The following EXTL3 variants were observed in gnomAD, a reference collection of about 807,000 sequenced individuals.
EXTL3 encodes the protein exostosin-like 3.
Under a neutral mutation model 69.3 loss-of-function variants are expected in EXTL3, and 27 were observed. The ratio of observed to expected loss-of-function variants is 0.39; its 90% CI spans 0.29 to 0.54. The LOEUF is 0.54. Among genes scored for constraint, EXTL3 ranks in the 20% least tolerant of loss-of-function variants. EXTL3 has a pLI of 0.69. For missense variants in EXTL3, 1,003 were observed against 1,231.8 expected (o/e 0.81, Z 2.78); for synonymous variants, 511 against 499.4 (o/e 1.02, Z -0.31).
intron 3 of EXTL3, among the ~76,000 whole-genome samples, chr8:28,720,524 AT>A (rs1471493538): frequency 6.6e-6 from 1 of 152,214 alleles, no homozygotes; most frequent in East Asian, 1.9e-4. Flanking sequence ...CATAGGACTT[AT>A]ATGTTAAAAT....
chr8:28,701,747 C>T (rs1800802539), intron 1 of EXTL3, 88 bp downstream of exon 1: 3 of 153,206 alleles, frequency 2.0e-5, no homozygotes, highest in Non-Finnish European at 2.9e-5. Context: ...GCCCCGAGCG[C>T]TGGGGACGCG....
At chr8:28,680,075 C>A (rs183154719) in intron 1 of EXTL3, among the ~76,000 whole-genome samples, 2 of 149,548 alleles carry the variant, frequency 1.3e-5, no homozygotes. Context: ...CGGTGTAAGA[C>A]AAATACTATT....
chr8:28,669,981 G>C (rs1267912450), intron 1 of EXTL3, among the ~76,000 whole-genome samples: 1 of 152,104 alleles, frequency 6.6e-6, no homozygotes, highest in African/African-American at 2.4e-5. Context: ...GGCTGATACA[G>C]GTGGATCACC....
exon 1 of EXTL3, chr8:28,622,780 T>A (rs1281766833): frequency 6.6e-6 from 1 of 152,538 alleles, no homozygotes; most frequent in African/African-American, 2.4e-5. Context: ...TGGCCGCCGC[T>A]GGAGACCGCG....
chr8:28,657,285 A>C (rs1563438021), intron 1 of EXTL3, among the ~76,000 whole-genome samples: 1 of 152,164 alleles, frequency 6.6e-6, no homozygotes, highest in Non-Finnish European at 1.5e-5. Context: ...AGTGGTTTGA[A>C]TTGCTGGATA....
chr8:28,663,281 T>C (rs556224380), intron 1 of EXTL3, among the ~76,000 whole-genome samples: 1 of 152,268 alleles, frequency 6.6e-6, no homozygotes, highest in South Asian at 2.1e-4. Flanking sequence ...CCTCTTCTTT[T>C]TATAAAGTAG....
chr8:28,745,370 C>G (rs1353323135), intron 6 of EXTL3, among the ~76,000 whole-genome samples: 2 of 152,188 alleles, frequency 1.3e-5, no homozygotes, highest in East Asian at 3.8e-4. Context: ...TAAAGCCTCA[C>G]AAGAGAAGAA....
intron 6 of EXTL3, among the ~76,000 whole-genome samples, chr8:28,749,886 G>A (rs953567366): frequency 9.9e-5 from 15 of 152,124 alleles, no homozygotes; most frequent in African/African-American, 3.6e-4. Context: ...TGGAGATGAG[G>A]TTTTGCTTTG....
chr8:28,627,012 C>T (rs1351143544), intron 1 of EXTL3, among the ~76,000 whole-genome samples: 3 of 151,570 alleles, frequency 2.0e-5, no homozygotes, highest in South Asian at 2.1e-4. Context: ...GAAACCCTGT[C>T]TCCACTAAAA....
chr8:28,685,293 A>C (rs115414237), intron 1 of EXTL3, among the ~76,000 whole-genome samples: 2,017 of 152,054 alleles, frequency 0.013, 48 homozygotes, highest in African/African-American at 0.046. Flanking sequence ...CCAATTTAAC[A>C]TCCAATCCAG....
At position 28,754,161 on chromosome 8, in the gene EXTL3, G is replaced by C. The variant is rs1802071199; in HGVS notation, c.*3295G>C. The C allele has an allele frequency of 6.6e-6, 1 of 152,108 alleles. No homozygotes were observed. Among genetic ancestry groups the C allele is most frequent in the African/African-American group, 2.4e-5 (1 of 41,376 alleles). The allele number at this position is 152,108 out of a possible 1,614,324, so 9.4% of individuals were successfully genotyped here. A position where few individuals can be genotyped will look rare whatever the true frequency, so the allele number is the denominator to read the frequency against. On this transcript the variant is annotated 3_prime_UTR_variant, in exon 7 of 7. Transcript: ENST00000220562. ...CCATAGGTCATGCCCCTGACCTATA[G>C]GTCACTAAGGCACCTGTACCTGCAC...
intron 1 of EXTL3, among the ~76,000 whole-genome samples, chr8:28,682,126 A>G (rs1807500145): frequency 6.6e-6 from 1 of 152,198 alleles, no homozygotes; most frequent in Non-Finnish European, 1.5e-5. Context: ...TCTTTTTGAT[A>G]ATGGCTATTC....
intron 1 of EXTL3, among the ~76,000 whole-genome samples, chr8:28,707,309 A>C (rs1800943957): frequency 6.6e-6 from 1 of 152,222 alleles, no homozygotes; most frequent in African/African-American, 2.4e-5. Context: ...TGCCTTGAAC[A>C]AGTTTCCTAT....
At chr8:28,634,086 G>A (rs1035598534) in intron 1 of EXTL3, among the ~76,000 whole-genome samples, 1 of 152,232 alleles carries the variant, frequency 6.6e-6, no homozygotes, top group Non-Finnish European at 1.5e-5. Flanking sequence ...CAGGGCTGGG[G>A]CCAAGCCCAT....
chr8:28,641,508 ACT>A (rs1806741717), intron 1 of EXTL3, among the ~76,000 whole-genome samples: 1 of 152,124 alleles, frequency 6.6e-6, no homozygotes, highest in Non-Finnish European at 1.5e-5. Flanking sequence ...ACGGAGTCTC[ACT>A]CTTTCCTCCA....
intron 3 of EXTL3, among the ~76,000 whole-genome samples, chr8:28,729,378 T>G (rs1193146891): frequency 6.7e-6 from 1 of 149,382 alleles, no homozygotes; most frequent in Non-Finnish European, 1.5e-5. Context: ...GGGCGGATCA[T>G]GAGGTCAGGA....
chr8:28,672,087 T>C (rs1281286809), intron 1 of EXTL3, among the ~76,000 whole-genome samples: 1 of 152,086 alleles, frequency 6.6e-6, no homozygotes, highest in Non-Finnish European at 1.5e-5. Flanking sequence ...GTTGCTGAAG[T>C]GTGTAATTGT....
In EXTL3 at chr8:28,716,440, C is replaced by T; in HGVS notation, c.381C>T (p.Asp127=). 4 of 1,613,802 alleles carry T rather than the reference C, an allele frequency of 2.5e-6. No individual in the cohort carries two copies. Among genetic ancestry groups the T allele is most frequent in the Non-Finnish European group, 3.4e-6 (4 of 1,179,958 alleles). Residue 127 remains aspartate (D), a synonymous_variant, in exon 3 of 7, where the codon GAC becomes GAT. Coordinates refer to ENST00000220562, the MANE Select transcript of EXTL3 (RefSeq NM_001440.4). This position sits in a 1 kb window ranked among gnomAD's most constrained non-coding sequence, Gnocchi z 7.1. ...AGAGCATTGAGAACGCCAAGCAGGACCTGCTCCAGCTCAAGAATGTCATCA... is the reference window on the plus strand; with the variant it reads ...AGAGCATTGAGAACGCCAAGCAGGATCTGCTCCAGCTCAAGAATGTCATCA... The part of the protein sequence containing the change: ...CKKSIENAKQ[D]LLQLKNVISQ...
chr8:28,692,836 T>C (rs1283489347), intron 1 of EXTL3, among the ~76,000 whole-genome samples: 6 of 152,320 alleles, frequency 3.9e-5, no homozygotes, highest in Admixed American at 1.3e-4. Flanking sequence ...GAGCTGTATA[T>C]AAATGTGACA....
Sources: gnomAD v4.1 joint callset for allele counts (sites outside exome capture counted in the v4.1 genomes callset) on GRCh38, gnomAD v4.1.1 for gene constraint, Gnocchi (gnomAD v3.1) non-coding constraint, MANE v1.5 for transcripts, NCBI Gene and HGNC (gene_info 2026-07-23, HGNC 2026-07-21) for gene names.